ROBO1: variants seen among roughly 807,000 people sequenced by gnomAD.
ROBO1 encodes roundabout guidance receptor 1, also known as roundabout homolog 1.
A neutral mutation model predicts 195.9 loss-of-function variants in ROBO1; 149 were observed. That is an observed-to-expected ratio of 0.76 (90% CI 0.67 to 0.87). The LOEUF is 0.87. Among genes scored for constraint, ROBO1 ranks in the 40% least tolerant of loss-of-function variants. The pLI is 0.00. For synonymous variants in ROBO1, 816 were observed against 733.2 expected, an observed-to-expected ratio of 1.11 and a Z score of -1.82; for missense variants, 1,933 against 2,068.3, an observed-to-expected ratio of 0.93 and a Z score of 1.27.
intron 2 of ROBO1, among the ~76,000 whole-genome samples, chr3:79,464,955 C>T (rs1039683417): frequency 1.2e-4 from 18 of 152,042 alleles, no homozygotes; most frequent in African/African-American, 4.1e-4. Context: ...GGCACCTCCT[C>T]GGGATTAGAA....
chr3:78,700,813 G>A (rs1372126841), intron 8 of ROBO1, among the ~76,000 whole-genome samples: 1 of 150,838 alleles, frequency 6.6e-6, no homozygotes, highest in Non-Finnish European at 1.5e-5. Context: ...TCCCAGGCTG[G>A]AGTGCAGTGT....
At chr3:79,048,115 A>C (rs1305971424) in intron 3 of ROBO1, among the ~76,000 whole-genome samples, 1 of 152,066 alleles carries the variant, frequency 6.6e-6, no homozygotes, top group Non-Finnish European at 1.5e-5. Flanking sequence ...CAACCTTCCC[A>C]AGACACAGTT....
chr3:79,431,300 A>C (rs1299601315), intron 2 of ROBO1, among the ~76,000 whole-genome samples: 1 of 152,120 alleles, frequency 6.6e-6, no homozygotes, highest in African/African-American at 2.4e-5. Flanking sequence ...TTATAATCCC[A>C]TTATAATCCC....
intron 4 of ROBO1, among the ~76,000 whole-genome samples, chr3:78,923,047 T>C (rs2039029301): frequency 6.6e-6 from 1 of 152,130 alleles, no homozygotes; most frequent in South Asian, 2.1e-4. Flanking sequence ...CAAATTATTT[T>C]CCAATAGTTA....
At chr3:79,519,628 CAAAAAAA>C (rs71631657) in intron 2 of ROBO1, among the ~76,000 whole-genome samples, 1,643 of 64,706 alleles carry the variant, frequency 0.025, 33 homozygotes, top group African/African-American at 0.089. Flanking sequence ...GACTCCTGCT[CAAAAAAA>C]AAAAAAAAAA....
intron 3 of ROBO1, among the ~76,000 whole-genome samples, chr3:79,058,917 A>G (rs1441143710): frequency 6.6e-6 from 1 of 152,110 alleles, no homozygotes; most frequent in East Asian, 1.9e-4. Context: ...AATGGCCACC[A>G]CTGCCCGAAT....
intron 2 of ROBO1, among the ~76,000 whole-genome samples, chr3:79,527,328 A>T (rs552767514): frequency 3.3e-5 from 5 of 152,194 alleles, no homozygotes; most frequent in African/African-American, 4.8e-5. Context: ...ATTTTGATTC[A>T]GATGTGTTAC....
intron 3 of ROBO1, among the ~76,000 whole-genome samples, chr3:79,094,243 T>G (rs1482567866): frequency 6.6e-6 from 1 of 152,088 alleles, no homozygotes; most frequent in Non-Finnish European, 1.5e-5. Flanking sequence ...TAAATTATTT[T>G]AAGAAGCATA....
At chr3:79,265,236 A>T (rs2083017400) in intron 2 of ROBO1, among the ~76,000 whole-genome samples, 2 of 151,762 alleles carry the variant, frequency 1.3e-5, no homozygotes, top group South Asian at 4.1e-4. Context: ...GATAGGGATG[A>T]GTATCTCTAT....
Position 78,938,532 on chromosome 3 carries a change from G to A in ROBO1, c.499+69C>T, listed in dbSNP as rs1402515140. On this transcript the variant is annotated intron_variant, in intron 4 of 30. Transcript: ENST00000464233. Reference sequence around the variant, plus strand: ...TGAGATACAAATTCGACTTTTCATTGCCATGATCAAACAAATGACGCCACT... The same window carrying A: ...TGAGATACAAATTCGACTTTTCATTACCATGATCAAACAAATGACGCCACT... The A allele has an allele frequency of 5.1e-6, 7 of 1,377,694 alleles. No homozygotes were observed. The Admixed American group carries it at 1.2e-4, about 23-fold the overall frequency. The allele number at this position is 1,377,694 out of a possible 1,614,324, so 85.3% of individuals were successfully genotyped here. A position where few individuals can be genotyped will look rare whatever the true frequency, so the allele number is the denominator to read the frequency against.
At chr3:78,756,110 A>G (rs887989246) in intron 4 of ROBO1, among the ~76,000 whole-genome samples, 2 of 152,176 alleles carry the variant, frequency 1.3e-5, no homozygotes, top group Admixed American at 1.3e-4. Flanking sequence ...TGGATTATAT[A>G]TATATGTATG....
At chr3:79,025,385 A>G (rs935795707) in intron 3 of ROBO1, among the ~76,000 whole-genome samples, 11 of 151,964 alleles carry the variant, frequency 7.2e-5, no homozygotes, top group African/African-American at 2.7e-4. Context: ...TACTATATAT[A>G]TTTTTTATTT....
intron 1 of ROBO1, among the ~76,000 whole-genome samples, chr3:79,661,737 C>T (rs900847739): frequency 2.6e-5 from 4 of 151,942 alleles, no homozygotes; most frequent in Non-Finnish European, 4.4e-5. Context: ...AAACCTGTTT[C>T]GCCTGCAAGA....
intron 2 of ROBO1, among the ~76,000 whole-genome samples, chr3:79,342,977 TA>T (rs2034968893): frequency 6.6e-6 from 1 of 152,160 alleles, no homozygotes; most frequent in African/African-American, 2.4e-5. Context: ...TTCACTGCCC[TA>T]AAAATCATCC....
intron 2 of ROBO1, among the ~76,000 whole-genome samples, chr3:79,349,454 C>G (rs556243723): frequency 2.6e-5 from 4 of 152,136 alleles, no homozygotes; most frequent in Admixed American, 6.6e-5. Context: ...AATTGATGAG[C>G]TAATTTAAAA....
intron 2 of ROBO1, among the ~76,000 whole-genome samples, chr3:79,174,087 A>C (rs2108707478): frequency 6.6e-6 from 1 of 152,212 alleles, no homozygotes; most frequent in Admixed American, 6.5e-5. Context: ...AGATAAGAGA[A>C]TAAAAGTAGG....
At chr3:78,722,254 T>C (rs1479124800) in intron 5 of ROBO1, among the ~76,000 whole-genome samples, 1 of 152,154 alleles carries the variant, frequency 6.6e-6, no homozygotes, top group African/African-American at 2.4e-5. Flanking sequence ...CTAAATCACA[T>C]TGGCTGTGTA....
At position 79,318,495 on chromosome 3, in the gene ROBO1, A is replaced by G. The variant is rs189900350; in HGVS notation, c.89-192956T>C. ...TTTAGGTCCCTCAGGAAAGTACAGC[A>G]TTCAGTTTAACATCCTGGGCCCTGG... is the stretch of plus-strand genomic sequence containing the variant. On this transcript the variant is annotated intron_variant, in intron 2 of 30. Transcript: ENST00000464233. 6.1e-3 allele frequency among the ~76,000 whole-genome samples: 932 copies of G among 152,296 alleles called. 14 individuals carry two copies. The highest frequency in any genetic ancestry group is 0.021 in the African/African-American group (885 of 41,580).
At chr3:79,102,927 A>G (rs981210133) in intron 3 of ROBO1, among the ~76,000 whole-genome samples, 25 of 151,840 alleles carry the variant, frequency 1.6e-4, no homozygotes, top group Admixed American at 4.0e-4. Context: ...TGATAGCTAG[A>G]AATTCCTAGT....
Sources: gnomAD v4.1 joint callset for allele counts (sites outside exome capture counted in the v4.1 genomes callset) on GRCh38, gnomAD v4.1.1 for gene constraint, MANE v1.5 for transcripts, NCBI Gene and HGNC (gene_info 2026-07-23, HGNC 2026-07-21) for gene names.